The following CARD8 variants were observed in gnomAD, a reference collection of about 807,000 sequenced individuals.
CARD8 encodes caspase recruitment domain-containing protein 8.
In CARD8, 38 loss-of-function variants were observed where a neutral mutation model predicts 53.2. That is an observed-to-expected ratio of 0.71 (90% CI 0.55 to 0.94). The LOEUF (loss-of-function observed/expected upper bound fraction) is 0.94, where lower values mean the gene tolerates loss of function less well. Among genes scored for constraint, CARD8 ranks in the 40% least tolerant of loss-of-function variants. The pLI, the probability that CARD8 is intolerant of heterozygous loss-of-function variation, is 0.00. For synonymous variants in CARD8, 245 were observed against 244.9 expected (o/e 1.00, Z 0.00); for missense variants, 561 against 655.5 (o/e 0.86, Z 1.57).
At chr19:48,222,255 C>T (rs1252453559) in intron 10 of CARD8, among the ~76,000 whole-genome samples, 6 of 152,220 alleles carry the variant, frequency 3.9e-5, no homozygotes, top group Non-Finnish European at 8.8e-5. Flanking sequence ...TCTGTGAACA[C>T]GTCTATGATG....
At chr19:48,207,059 T>G (rs919133838), downstream of CARD8, among the ~76,000 whole-genome samples, 13 of 150,656 alleles carry the variant, frequency 8.6e-5, no homozygotes, top group Non-Finnish European at 1.6e-4. Flanking sequence ...TCCCAGCTAC[T>G]CAGGAGGCTG....
downstream of CARD8, chr19:48,203,993 G>A (rs887539001): frequency 2.9e-6 from 1 of 348,112 alleles, no homozygotes; most frequent in Non-Finnish European, 5.7e-6. Context: ...CGCGGGCCCA[G>A]AGCTCCATCT....
At chr19:48,203,521 G>C (rs1419862696), downstream of CARD8, 2 of 152,832 alleles carry the variant, frequency 1.3e-5, no homozygotes, top group African/African-American at 2.4e-5. Flanking sequence ...ATTAGTGTGT[G>C]TACCAGTGTT....
chr19:48,234,274 G>C (rs2146354401), intron 6 of CARD8, 129 bp downstream of exon 6: 2 of 899,520 alleles, frequency 2.2e-6, no homozygotes, highest in Middle Eastern at 2.3e-4. Flanking sequence ...TTCATTGCTA[G>C]TATTGCATAA....
At chr19:48,241,130 G>A (rs759106083) in intron 3 of CARD8, 67 bp from the exon 4 acceptor site, 3 of 878,308 alleles carry the variant, frequency 3.4e-6, no homozygotes, top group African/African-American at 1.7e-5. Flanking sequence ...CTTAGCTTCT[G>A]TGTCTCTCAA....
intron 4 of CARD8, 31 bp downstream of exon 4, chr19:48,240,931 A>C: frequency 6.6e-7 from 1 of 1,510,224 alleles, no homozygotes; most frequent in Non-Finnish European, 8.9e-7. Context: ...ATCAGCCATC[A>C]GGAGCCCTCA....
intron 5 of CARD8, among the ~76,000 whole-genome samples, chr19:48,237,770 C>T (rs1197352061): frequency 6.6e-6 from 1 of 151,454 alleles, no homozygotes; most frequent in Non-Finnish European, 1.5e-5. Flanking sequence ...GCACTCCAGC[C>T]TGGGCAACAG....
intron 7 of CARD8, 89 bp from the exon 8 acceptor site, chr19:48,231,899 T>G: frequency 1.7e-6 from 2 of 1,144,204 alleles, no homozygotes; most frequent in Non-Finnish European, 1.3e-6. Context: ...GCACAGGTGC[T>G]GTTGGGATAC....
rs774474455 is a variant in CARD8, at chr19:48,211,704, C to G, written c.*6G>C. On this transcript the variant is annotated 3_prime_UTR_variant, in exon 14 of 14. Transcript: ENST00000651546. ...TCTCTCTTCCAGACTACCTAACTGA[C>G]TCATTTTACAAATTCTGCTGTCTAA... The G allele has an allele frequency of 1.2e-6, 2 of 1,612,792 alleles. No homozygotes were observed. Among genetic ancestry groups the G allele is most frequent in the Non-Finnish European group, 1.7e-6 (2 of 1,179,258 alleles).
At chr19:48,224,310 T>C (rs2041299271) in intron 10 of CARD8, among the ~76,000 whole-genome samples, 1 of 152,160 alleles carries the variant, frequency 6.6e-6, no homozygotes, top group Non-Finnish European at 1.5e-5. Context: ...GCAGATGAAA[T>C]GGCTTTTAGT....
At chr19:48,219,292 T>G (rs1335513980) in intron 11 of CARD8, among the ~76,000 whole-genome samples, 3 of 152,192 alleles carry the variant, frequency 2.0e-5, no homozygotes, top group Non-Finnish European at 2.9e-5. Flanking sequence ...TTTTGAGGGT[T>G]TTGAGGCCCC....
At chr19:48,227,235 C>T (rs754200564) in intron 10 of CARD8, among the ~76,000 whole-genome samples, 3 of 152,016 alleles carry the variant, frequency 2.0e-5, no homozygotes, top group Admixed American at 6.6e-5. Context: ...AAAGTTGAGT[C>T]AATATATACA....
chr19:48,239,573 T>A (rs2044587556), intron 4 of CARD8, among the ~76,000 whole-genome samples: 1 of 151,112 alleles, frequency 6.6e-6, no homozygotes, highest in Non-Finnish European at 1.5e-5. Flanking sequence ...CCTCCCAGGT[T>A]CAAGCGATTC....
chr19:48,236,736 G>A (rs1427233507), intron 5 of CARD8, among the ~76,000 whole-genome samples: 1 of 152,018 alleles, frequency 6.6e-6, no homozygotes, highest in Non-Finnish European at 1.5e-5. Context: ...CAGTTTCCTG[G>A]TATTAGCAAT....
chr19:48,255,750 C>T (rs1234647211), intron 1 of CARD8, 42 bp downstream of exon 1: 1 of 152,256 alleles, frequency 6.6e-6, no homozygotes, highest in Non-Finnish European at 1.5e-5. Context: ...ACCAACAAGC[C>T]TCCGTTTCTC....
chr19:48,209,297 G>GAAAAAA lies in CARD8; in HGVS notation c.*2407_*2412dup, dbSNP rs956081215. ...GGTAACAGAGTTGAGACCCTGTCTT[G>GAAAAAA]AAAAAAAAAAAGCTCAAACAAGCAA... On this transcript the variant is annotated 3_prime_UTR_variant, in exon 14 of 14. Transcript: ENST00000651546. The GAAAAAA allele has an allele frequency of 7.1e-6, 1 of 140,460 alleles. No individual in the cohort carries two copies. 8.7% of individuals were successfully genotyped at this position (140,460 alleles called of 1,614,324 possible).
At chr19:48,218,606 G>A (rs567228381) in intron 12 of CARD8, among the ~76,000 whole-genome samples, 128 of 151,852 alleles carry the variant, frequency 8.4e-4, no homozygotes, top group African/African-American at 2.7e-3. Flanking sequence ...CTCCCCCCTC[G>A]GCCTCCCAAA....
Position 48,208,626 on chromosome 19 carries a change from C to T in CARD8, c.*3084G>A, listed in dbSNP as rs1026396090. ...ATGACAACTCAGTGGACACCAAACA[C>T]TGAATAACATGTACAGTGAAATTAT... On this transcript the variant is annotated 3_prime_UTR_variant, in exon 14 of 14. Coordinates refer to ENST00000651546, the MANE Select transcript of CARD8 (RefSeq NM_001184900.3). 2.0e-5 allele frequency: 3 copies of T among 152,058 alleles called. No homozygotes were observed. Among genetic ancestry groups the T allele is most frequent in the African/African-American group, 7.2e-5 (3 of 41,398 alleles). The allele number at this position is 152,058 out of a possible 1,614,324, so 9.4% of individuals were successfully genotyped here. A position where few individuals can be genotyped will look rare whatever the true frequency, so the allele number is the denominator to read the frequency against.
intron 10 of CARD8, among the ~76,000 whole-genome samples, chr19:48,225,414 C>T (rs1318385548): frequency 2.6e-5 from 4 of 152,048 alleles, no homozygotes; most frequent in African/African-American, 9.7e-5. Flanking sequence ...TCGCTTGAAC[C>T]CGGTAGGCAG....
Sources: gnomAD v4.1 joint callset for allele counts (sites outside exome capture counted in the v4.1 genomes callset) on GRCh38, gnomAD v4.1.1 for gene constraint, MANE v1.5 for transcripts, NCBI Gene and HGNC (gene_info 2026-07-23, HGNC 2026-07-21) for gene names.